The following PLCD3 variants were observed in gnomAD, a reference collection of about 807,000 sequenced individuals.
The protein encoded by PLCD3 is 1-phosphatidylinositol 4,5-bisphosphate phosphodiesterase delta-3.
Under a neutral mutation model 82.8 loss-of-function variants are expected in PLCD3, and 62 were observed. The ratio of observed to expected loss-of-function variants is 0.75; its 90% CI spans 0.61 to 0.93. The LOEUF (loss-of-function observed/expected upper bound fraction) is 0.93, where lower values mean the gene tolerates loss of function less well. Among genes scored for constraint, PLCD3 ranks in the 40% least tolerant of loss-of-function variants. The pLI is 0.00. For missense variants in PLCD3, 1,023 were observed against 1,103.4 expected (o/e 0.93, Z 1.03); for synonymous variants, 478 against 471.8 (o/e 1.01, Z -0.17).
rs765674814 is a variant in PLCD3 at position 45,121,104 on chromosome 17, G to T, written c.352C>A (p.Arg118Ser). The T allele has an allele frequency of 1.3e-6, 2 of 1,529,276 alleles. No homozygotes were observed. The highest frequency in any genetic ancestry group is 5.0e-5 in the East Asian group (2 of 40,370). 94.7% of individuals were successfully genotyped at this position (1,529,276 alleles called of 1,614,324 possible). A position where few individuals can be genotyped will look rare whatever the true frequency, so the allele number is the denominator to read the frequency against. The change falls in exon 3 of 15, where the codon CGC (arginine) becomes AGC (serine). Residue 118 changes from arginine (R) to serine (S), a missense_variant. By Grantham distance (110) the Arg-to-Ser change is moderately radical. Coordinates refer to ENST00000619929, the MANE Select transcript of PLCD3 (RefSeq NM_133373.5). ...IFFVQHIEAV[R>S]EGHQSEGLRR... ...AGGCCCTCGGACTGGTGGCCCTCGC[G>T]GACCGCCTCGATGTGCTGCACGAAG...
chr17:45,115,773 A>T (rs1226303188), intron 8 of PLCD3, among the ~76,000 whole-genome samples: 1 of 152,238 alleles, frequency 6.6e-6, no homozygotes, highest in Non-Finnish European at 1.5e-5. Context: ...CCCTCTTCAA[A>T]GAAGATCTTA....
chr17:45,120,125 C>T (rs1462898519), intron 4 of PLCD3, among the ~76,000 whole-genome samples, 200 bp downstream of exon 4: 1 of 152,270 alleles, frequency 6.6e-6, no homozygotes, highest in Non-Finnish European at 1.5e-5. Context: ...CGGCTCCCCA[C>T]TCCCTTCCTG....
At position 45,109,151 on chromosome 17, in the gene PLCD3, C is replaced by G. The variant is rs984233529; in HGVS notation, c.*3465G>C. On this transcript the variant is annotated 3_prime_UTR_variant, in exon 15 of 15. Coordinates refer to ENST00000619929, the MANE Select transcript of PLCD3 (RefSeq NM_133373.5). ...ACAGCACCAGGCCAGCTTCCAAAGG[C>G]CTTCCTTTAAGGCTGCCCTTCTTCC... 6.6e-6 allele frequency: 1 copy of G among 152,404 alleles called. No homozygotes were observed. Among genetic ancestry groups the G allele is most frequent in the East Asian group, 1.9e-4 (1 of 5,188 alleles). The allele number at this position is 152,404 out of a possible 1,614,324, so 9.4% of individuals were successfully genotyped here.
intron 1 of PLCD3, 123 bp from the exon 2 acceptor site, chr17:45,121,495 T>G (rs1175388491): frequency 1.7e-6 from 2 of 1,173,020 alleles, no homozygotes; most frequent in African/African-American, 3.2e-5. Flanking sequence ...CATCCCACAG[T>G]AAGCTTCCCT....
chr17:45,117,465 T>C (rs2143559942), intron 7 of PLCD3, among the ~76,000 whole-genome samples: 1 of 152,236 alleles, frequency 6.6e-6, no homozygotes, highest in Non-Finnish European at 1.5e-5. Flanking sequence ...TGGTCTGGAA[T>C]TCCTGGCCTC....
chr17:45,117,117 G>A lies in PLCD3; in HGVS notation c.1261-333C>T, dbSNP rs537263599. On this transcript the variant is annotated intron_variant, in intron 7 of 14. Transcript: ENST00000619929. ...CCGCCACCACACCCGGCTAATTTTT[G>A]TATTTTTAATAGAGATGAGGTTTCA... Among the ~76,000 whole-genome samples the A allele has an allele frequency of 7.0e-4, 107 of 152,172 alleles. 7 individuals are homozygous for A. The highest frequency in any genetic ancestry group is 2.5e-3 in the African/African-American group (104 of 41,516).
At chr17:45,131,510 T>C (rs1252029325) in intron 1 of PLCD3, among the ~76,000 whole-genome samples, 2 of 152,230 alleles carry the variant, frequency 1.3e-5, no homozygotes, top group African/African-American at 2.4e-5. Flanking sequence ...ACTTTGCCCT[T>C]TGTTGGCTGT....
At chr17:45,127,170 G>A (rs1422458194) in intron 1 of PLCD3, among the ~76,000 whole-genome samples, 1 of 152,202 alleles carries the variant, frequency 6.6e-6, no homozygotes, top group East Asian at 1.9e-4. Context: ...CTGAGGCAGG[G>A]CTCTGGGGAA....
intron 7 of PLCD3, among the ~76,000 whole-genome samples, chr17:45,117,029 C>T (rs1365512219): frequency 1.3e-5 from 2 of 152,158 alleles, no homozygotes; most frequent in Admixed American, 1.3e-4. Flanking sequence ...ACTACAATTC[C>T]ATCTCCCGGG....
intron 12 of PLCD3, 40 bp downstream of exon 12, chr17:45,113,399 C>A (rs367903872): frequency 1.3e-6 from 2 of 1,568,276 alleles, no homozygotes; most frequent in Admixed American, 1.9e-5. Flanking sequence ...TTTCTAGAAC[C>A]AGTCTGACCC....
At chr17:45,116,854 C>T (rs1228113074) in intron 7 of PLCD3, 70 bp from the exon 8 acceptor site, 18 of 1,479,294 alleles carry the variant, frequency 1.2e-5, no homozygotes. Flanking sequence ...CATCTGGCTC[C>T]CAGACCCTTC....
rs1236208595 is a variant in PLCD3 at position 45,109,012 on chromosome 17, CA to C, written c.*3603del. On this transcript the variant is annotated 3_prime_UTR_variant, in exon 15 of 15. Coordinates refer to ENST00000619929, the MANE Select transcript of PLCD3 (RefSeq NM_133373.5). ...GTTTCTAATAAAGAAAGCAGCTGAA[CA>C]AAACCTTCTGTCCTGGTATTCCTGG... is the stretch of plus-strand genomic sequence containing the variant. The C allele has an allele frequency of 6.6e-6, 1 of 152,612 alleles. No individual in the cohort carries two copies. Among genetic ancestry groups the C allele is most frequent in the African/African-American group, 2.4e-5 (1 of 41,442 alleles). The allele number at this position is 152,612 out of a possible 1,614,324, so 9.5% of individuals were successfully genotyped here.
chr17:45,119,668 C>T (rs1478535604), intron 4 of PLCD3, among the ~76,000 whole-genome samples: 1 of 152,274 alleles, frequency 6.6e-6, no homozygotes, highest in Non-Finnish European at 1.5e-5. Flanking sequence ...CCCTCACACT[C>T]CCCTAGGTGG....
chr17:45,114,203 C>G (rs1363119214), intron 11 of PLCD3, 47 bp downstream of exon 11: 13 of 1,433,364 alleles, frequency 9.1e-6, no homozygotes, highest in Admixed American at 2.5e-5. Flanking sequence ...AGGCCTCCCC[C>G]ACACTGTGGC....
Position 45,112,898 on chromosome 17 carries a change from CCCACAAAGTCATTGG to C in PLCD3, c.2231_2245del (p.Pro744_Gly749delinsArg). 1 of 1,612,502 alleles carries C rather than the reference CCCACAAAGTCATTGG, an allele frequency of 6.2e-7. No homozygotes were observed. The highest frequency in any genetic ancestry group is 8.5e-7 in the Non-Finnish European group (1 of 1,179,300). On this transcript the variant is annotated inframe_deletion, in exon 14 of 15. Transcript: ENST00000619929. Reference sequence around the variant, plus strand: ...GCTGCTAAGAGGCAGTGTAAACTGGCCCACAAAGTCATTGGGGGAGGTGGCGTCATAATCTTCCAC... The same window carrying C: ...GCTGCTAAGAGGCAGTGTAAACTGGCGGGAGGTGGCGTCATAATCTTCCAC...
At chr17:45,119,084 C>T (rs1325715779) in intron 4 of PLCD3, 41 bp from the exon 5 acceptor site, 1 of 1,512,184 alleles carries the variant, frequency 6.6e-7, no homozygotes, top group South Asian at 1.2e-5. Flanking sequence ...GCAGACACTC[C>T]AGGAAACCTG....
At chr17:45,119,664 C>T (rs1019621063) in intron 4 of PLCD3, among the ~76,000 whole-genome samples, 1 of 152,256 alleles carries the variant, frequency 6.6e-6, no homozygotes, top group Non-Finnish European at 1.5e-5. Flanking sequence ...TGGGCCCTCA[C>T]ACTCCCCTAG....
At chr17:45,116,582 G>A (rs1316413766) in intron 8 of PLCD3, 50 bp downstream of exon 8, 25 of 1,502,842 alleles carry the variant, frequency 1.7e-5, no homozygotes, top group Admixed American at 2.1e-5. Context: ...CGGGGAGGCG[G>A]ACTCCCACCA....
rs961159880 is a variant in PLCD3 at position 45,132,512 on chromosome 17, G to A, written c.-102C>T. The A allele has an allele frequency of 2.0e-5, 11 of 557,640 alleles. No individual in the cohort carries two copies. In the East Asian group the frequency reaches 9.2e-4, roughly 47 times the overall value. 34.5% of individuals were successfully genotyped at this position (557,640 alleles called of 1,614,324 possible). Reference sequence around the variant, plus strand: ...CCCGGCTCTGAGCGAGGCGGCGAGCGAAGAAACTTAGCGGCGCGGGAGGGA... The same window carrying A: ...CCCGGCTCTGAGCGAGGCGGCGAGCAAAGAAACTTAGCGGCGCGGGAGGGA... On this transcript the variant is annotated 5_prime_UTR_variant, in exon 1 of 15. Coordinates refer to ENST00000619929, the MANE Select transcript of PLCD3 (RefSeq NM_133373.5). This position sits in a 1 kb window ranked among gnomAD's most constrained non-coding sequence, Gnocchi z 4.6.
Sources: allele counts gnomAD v4.1 joint callset (sites outside exome capture counted in the v4.1 genomes callset), GRCh38; gene constraint gnomAD v4.1.1; non-coding constraint Gnocchi (gnomAD v3.1); transcripts MANE v1.5; gene names NCBI Gene and HGNC (gene_info 2026-07-23, HGNC 2026-07-21).